Variants in SEMA5B observed in about 807,000 individuals in gnomAD.
The protein encoded by SEMA5B is semaphorin 5B.
A neutral mutation model predicts 135.0 loss-of-function variants in SEMA5B; 66 were observed. The ratio of observed to expected loss-of-function variants is 0.49; its 90% CI spans 0.40 to 0.60. The LOEUF (loss-of-function observed/expected upper bound fraction) is 0.60. Ranked by LOEUF, SEMA5B falls within the 20% of genes least tolerant of loss-of-function variation. The pLI, the probability that SEMA5B is intolerant of heterozygous loss-of-function variation, is 0.00. For missense variants in SEMA5B, 1,501 were observed against 1,566.3 expected, an observed-to-expected ratio of 0.96 and a Z score of 0.70; for synonymous variants, 690 against 639.5, an observed-to-expected ratio of 1.08 and a Z score of -1.19.
Position 122,928,014 on chromosome 3 carries a change from T to C in SEMA5B, c.637-11A>G. ...GCTGAGGTTCCCCACCTGGGGACAA[T>C]GGGGAGAAGGGGACACTTTTCCCTG... On this transcript the variant is annotated splice_polypyrimidine_tract_variant and intron_variant, in intron 7 of 22. Transcript: ENST00000357599. 3 of 1,455,448 alleles carry C rather than the reference T, an allele frequency of 2.1e-6. No homozygotes were observed. Among genetic ancestry groups the C allele is most frequent in the Non-Finnish European group, 2.7e-6 (3 of 1,099,484 alleles). The allele number at this position is 1,455,448 out of a possible 1,614,324, so 90.2% of individuals were successfully genotyped here. A position where few individuals can be genotyped will look rare whatever the true frequency, so the allele number is the denominator to read the frequency against.
intron 3 of SEMA5B, among the ~76,000 whole-genome samples, chr3:122,946,313 C>G (rs760281172): frequency 6.6e-6 from 1 of 152,128 alleles, no homozygotes; most frequent in African/African-American, 2.4e-5. Context: ...CCTTACAAAA[C>G]AGAAAAACAG....
chr3:122,991,743 G>A (rs886183529), intron 1 of SEMA5B, among the ~76,000 whole-genome samples: 1 of 151,848 alleles, frequency 6.6e-6, no homozygotes, highest in Non-Finnish European at 1.5e-5. Flanking sequence ...TGGGGGTGGG[G>A]GTGCACCAGA....
intron 9 of SEMA5B, among the ~76,000 whole-genome samples, chr3:122,925,259 C>T (rs746135539): frequency 3.3e-5 from 5 of 152,078 alleles, no homozygotes; most frequent in Non-Finnish European, 7.4e-5. Flanking sequence ...GCCCACCCAT[C>T]ACTGTCTATA....
At chr3:122,934,689 G>A (rs1939163531) in intron 5 of SEMA5B, among the ~76,000 whole-genome samples, 1 of 152,128 alleles carries the variant, frequency 6.6e-6, no homozygotes, top group Non-Finnish European at 1.5e-5. Flanking sequence ...GACATTTAGT[G>A]ATATGAAGTT....
chr3:122,976,108 C>T, intron 1 of SEMA5B: 5 of 1,535,400 alleles, frequency 3.3e-6, no homozygotes, highest in Non-Finnish European at 4.4e-6. Context: ...GCTTCCTCTG[C>T]TGACAGATGC....
intron 1 of SEMA5B, among the ~76,000 whole-genome samples, chr3:123,014,836 C>T (rs1052852615): frequency 1.3e-5 from 2 of 152,184 alleles, no homozygotes; most frequent in East Asian, 1.9e-4. Context: ...CCCCACAAAG[C>T]TCACAGGTTG....
intron 4 of SEMA5B, among the ~76,000 whole-genome samples, chr3:122,939,853 G>A (rs1299301353): frequency 6.6e-6 from 1 of 152,146 alleles, no homozygotes; most frequent in African/African-American, 2.4e-5. Context: ...TAAATGTAAA[G>A]CCTCACAGCA....
At chr3:123,014,010 C>G (rs1305238234) in intron 1 of SEMA5B, among the ~76,000 whole-genome samples, 1 of 152,216 alleles carries the variant, frequency 6.6e-6, no homozygotes, top group African/African-American at 2.4e-5. Flanking sequence ...TGGTGAGAGG[C>G]CTACAGAAGC....
rs146280458 is a variant in SEMA5B at position 122,963,103 on chromosome 3, C to G, written c.-38-1802G>C. Among the ~76,000 whole-genome samples, 503 of 152,288 alleles carry G rather than the reference C, an allele frequency of 3.3e-3. 3 individuals carry two copies. Among genetic ancestry groups the G allele is most frequent in the Middle Eastern group, 0.014 (4 of 294 alleles). On this transcript the variant is annotated intron_variant, in intron 1 of 22. Coordinates refer to ENST00000357599, the MANE Select transcript of SEMA5B (RefSeq NM_001031702.4). Reference sequence around the variant, plus strand: ...CTACATACTCAACGAGATGAGCAGACAGCACCAGGGGCTATTGCTTACCTA... The same window carrying G: ...CTACATACTCAACGAGATGAGCAGAGAGCACCAGGGGCTATTGCTTACCTA...
intron 1 of SEMA5B, among the ~76,000 whole-genome samples, chr3:122,989,700 G>C (rs1941815823): frequency 6.6e-6 from 1 of 152,236 alleles, no homozygotes; most frequent in Non-Finnish European, 1.5e-5. Flanking sequence ...CTAGAGGTTG[G>C]AAAGGTGCAA....
At chr3:122,957,048 G>A (rs1940353879) in intron 2 of SEMA5B, among the ~76,000 whole-genome samples, 1 of 152,208 alleles carries the variant, frequency 6.6e-6, no homozygotes, top group South Asian at 2.1e-4. Context: ...AGCTGGTGGA[G>A]AGAGGCAGAG....
chr3:122,979,037 C>T (rs895976130), intron 1 of SEMA5B, among the ~76,000 whole-genome samples: 5 of 152,048 alleles, frequency 3.3e-5, no homozygotes, highest in Admixed American at 6.5e-5. Flanking sequence ...GAGAGGGAGA[C>T]GCAAGACACA....
chr3:122,913,625 G>A lies in SEMA5B; in HGVS notation c.2189C>T (p.Ser730Phe). ...ACAGTTGCTGCTGCACTTGCTCCAGGAGCCCCAGGAAGCCCAGAAGATGGG... is the reference window on the plus strand; with the variant it reads ...ACAGTTGCTGCTGCACTTGCTCCAGAAGCCCCAGGAAGCCCAGAAGATGGG... ...PVPIFWASWGSWSKCSSNCGG... is the reference protein window; with the variant it reads ...PVPIFWASWGFWSKCSSNCGG... The change falls in exon 16 of 23, where the codon TCC becomes TTC. Residue 730 changes from serine to phenylalanine, a missense_variant. Ser to Phe is a radical substitution (Grantham distance 155). Around this residue, in one of 2 missense-constraint regions of SEMA5B, gnomAD observed 927 missense variants for 881.6 expected, o/e 1.05. Transcript: ENST00000357599. The A allele has an allele frequency of 1.2e-6, 2 of 1,613,560 alleles. No homozygotes were observed. Among genetic ancestry groups the A allele is most frequent in the Non-Finnish European group, 1.7e-6 (2 of 1,179,984 alleles).
intron 1 of SEMA5B, among the ~76,000 whole-genome samples, chr3:122,976,350 G>C (rs1474124240): frequency 2.0e-5 from 3 of 152,038 alleles, no homozygotes; most frequent in Admixed American, 6.6e-5. Context: ...TGCACACTCA[G>C]TTGGGGAACC....
intron 1 of SEMA5B, among the ~76,000 whole-genome samples, chr3:123,011,166 A>G (rs1942431285): frequency 1.3e-5 from 2 of 152,020 alleles, no homozygotes; most frequent in Non-Finnish European, 2.9e-5. Context: ...TCCCACCCCC[A>G]TCAGAGCGGC....
intron 1 of SEMA5B, among the ~76,000 whole-genome samples, chr3:122,962,524 A>G (rs1940631489): frequency 1.3e-5 from 2 of 152,222 alleles, no homozygotes; most frequent in South Asian, 4.1e-4. Context: ...TGCGGGAAGA[A>G]CTTCCAGGTG....
chr3:122,922,115 G>A lies in SEMA5B; in HGVS notation c.1488C>T (p.Gly496=), dbSNP rs1576335961. ...CCGTGGACAGCGCCTTCAGGATGGT[G>A]CCCGACTCTGGAGGAGAGGGGGAGC... ...YHVLYIGTES[G]TILKALSTAS... Residue 496 remains glycine (G), a synonymous_variant, in exon 12 of 23, where the codon GGC becomes GGT. Coordinates refer to ENST00000357599, the MANE Select transcript of SEMA5B (RefSeq NM_001031702.4). The A allele has an allele frequency of 6.6e-7, 1 of 1,511,934 alleles. No homozygotes were observed. Among genetic ancestry groups the A allele is most frequent in the South Asian group, 1.3e-5 (1 of 76,486 alleles). 93.7% of individuals were successfully genotyped at this position (1,511,934 alleles called of 1,614,324 possible).
chr3:123,008,220 A>G (rs1199657827), intron 1 of SEMA5B, among the ~76,000 whole-genome samples: 4 of 152,192 alleles, frequency 2.6e-5, no homozygotes, highest in African/African-American at 9.7e-5. Flanking sequence ...ATCACTTGCA[A>G]CTTATCCACC....
At chr3:122,996,397 T>C (rs1485018141) in intron 1 of SEMA5B, among the ~76,000 whole-genome samples, 1 of 152,186 alleles carries the variant, frequency 6.6e-6, no homozygotes, top group Non-Finnish European at 1.5e-5. Context: ...CCCTGGATTG[T>C]CGCAGGCTCC....
Sources: gnomAD v4.1 joint callset for allele counts (sites outside exome capture counted in the v4.1 genomes callset) on GRCh38, gnomAD v4.1.1 for gene constraint, gnomAD v4.1.1 regional missense constraint, MANE v1.5 for transcripts, NCBI Gene and HGNC (gene_info 2026-07-23, HGNC 2026-07-21) for gene names.